COL5A3: variants seen among roughly 807,000 people sequenced by gnomAD.
The protein encoded by COL5A3 is collagen type V alpha 3 chain.
A neutral mutation model predicts 250.0 loss-of-function variants in COL5A3; 172 were observed. That is an observed-to-expected ratio of 0.69 (90% confidence interval 0.61 to 0.78). The LOEUF is 0.78. Among genes scored for constraint, COL5A3 ranks in the 30% least tolerant of loss-of-function variants. The probability of loss-of-function intolerance (pLI) is 0.00; values close to 1 mark genes in which losing one functional copy is unlikely to be tolerated. For missense variants in COL5A3, 2,340 were observed against 2,334.4 expected (o/e 1.00, Z -0.05); for synonymous variants, 937 against 900.4 (o/e 1.04, Z -0.73).
At chr19:9,990,818 C>T (rs1035052122) in intron 24 of COL5A3, among the ~76,000 whole-genome samples, 9 of 152,266 alleles carry the variant, frequency 5.9e-5, no homozygotes, top group Admixed American at 3.9e-4. Context: ...CCATCTCAGC[C>T]TCCCAAAGTG....
chr19:9,969,387 G>A lies in COL5A3; in HGVS notation c.4114C>T (p.Leu1372=), dbSNP rs898700727. Residue 1372 remains leucine (L), a synonymous_variant, in exon 57 of 67, where the codon CTG becomes TTG. Coordinates refer to ENST00000264828, the MANE Select transcript of COL5A3 (RefSeq NM_015719.4). ...GGGCCCATCTGTCCAGGGGCTCCCA[G>A]GAGGCCTGGTTCACCCTGAGAATGG... ...IPGPVGEPGL[L]GAPGQMGPPG... The A allele has an allele frequency of 1.2e-6, 2 of 1,607,758 alleles. No homozygotes were observed. The highest frequency in any genetic ancestry group is 1.7e-5 in the Admixed American group (1 of 58,264).
chr19:9,997,029 G>A, intron 11 of COL5A3: 1 of 523,594 alleles, frequency 1.9e-6, no homozygotes, highest in Non-Finnish European at 3.4e-6. Context: ...GAAATAGAGA[G>A]AGAGGCGAAC....
chr19:10,007,854 C>T (rs987726342), intron 1 of COL5A3, among the ~76,000 whole-genome samples: 8 of 152,224 alleles, frequency 5.3e-5, no homozygotes, highest in South Asian at 4.2e-4. Flanking sequence ...CATCCCTGCC[C>T]GCCCTCTCTC....
At position 10,010,322 on chromosome 19, in the gene COL5A3, G is replaced by A. The variant is rs1477268464; in HGVS notation, c.64C>T (p.Gln22Ter). 2 of 1,466,556 alleles carry A rather than the reference G, an allele frequency of 1.4e-6. No individual in the cohort carries two copies. Among genetic ancestry groups the A allele is most frequent in the Non-Finnish European group, 1.8e-6 (2 of 1,105,546 alleles). The allele number at this position is 1,466,556 out of a possible 1,614,324, so 90.8% of individuals were successfully genotyped here. ...AGLCLLLAAL[Q>*]LLPGTQADPV... ...CCGGCCTGCGTCCCCGGCAGAAGCT[G>A]CAGCGCGGCCAGGAGCAGGCAGAGA... Residue 22 changes from glutamine to a stop codon, truncating the protein, a stop_gained, in exon 1 of 67, where the codon CAG becomes TAG. Transcript: ENST00000264828. LOFTEE classifies it high-confidence loss of function.
At position 9,960,637 on chromosome 19, in the gene COL5A3, C is replaced by CCCCA; in HGVS notation, c.5091+10_5091+13dup. 6 of 1,613,830 alleles carry CCCCA rather than the reference C, an allele frequency of 3.7e-6. No individual in the cohort carries two copies. The highest frequency in any genetic ancestry group is 3.4e-6 in the Non-Finnish European group (4 of 1,179,954). Reference sequence around the variant, plus strand: ...GCCTCCCCTCTCTAGCTGGCCACTGCCCCACCCTCTTACCCGGCAGCCATC... The same window carrying CCCCA: ...GCCTCCCCTCTCTAGCTGGCCACTGCCCCACCCACCCTCTTACCCGGCAGCCATC... On this transcript the variant is annotated intron_variant, in intron 66 of 66. Transcript: ENST00000264828.
intron 4 of COL5A3, 61 bp from the exon 5 acceptor site, chr19:10,004,206 C>T: frequency 2.4e-6 from 3 of 1,251,476 alleles, no homozygotes; most frequent in Non-Finnish European, 3.5e-6. Context: ...CTTACTCTGA[C>T]CCCCTAACCC....
chr19:9,996,580 C>T (rs766788268), intron 12 of COL5A3, 35 bp downstream of exon 12: 6 of 1,613,714 alleles, frequency 3.7e-6, no homozygotes, highest in Middle Eastern at 1.7e-4. Context: ...CAGGACTCCA[C>T]TCCCCAAGGC....
chr19:10,005,809 G>C lies in COL5A3; in HGVS notation c.424C>G (p.Leu142Val). 1.2e-6 allele frequency: 2 copies of C among 1,611,504 alleles called. No individual in the cohort carries two copies. Among genetic ancestry groups the C allele is most frequent in the Non-Finnish European group, 1.7e-6 (2 of 1,178,476 alleles). ...PFRPLPQQVN[L>V]TDGRWHRVAV... ...CCCCATGCTCACCTGCCATCTGTGA[G>C]GTTGACCTGCTGGGGGAGGGGGCGG... is the stretch of plus-strand genomic sequence containing the variant. Residue 142 changes from leucine (L) to valine (V), a missense_variant, in exon 3 of 67, where the codon CTC becomes GTC. Physicochemically the swap from Leu to Val is conservative, Grantham distance 32 (BLOSUM62 1). Transcript: ENST00000264828.
At chr19:9,980,535 C>T in intron 35 of COL5A3, 113 bp downstream of exon 35, 1 of 1,424,624 alleles carries the variant, frequency 7.0e-7, no homozygotes, top group Non-Finnish European at 9.5e-7. Context: ...TTAAGCTGTG[C>T]TCTTACCACT....
intron 31 of COL5A3, among the ~76,000 whole-genome samples, chr19:9,983,598 A>AAGAAAGAG (rs2087048207): frequency 9.5e-5 from 8 of 84,486 alleles, no homozygotes; most frequent in East Asian, 3.7e-4. Context: ...GAAAGAAAGA[A>AAGAAAGAG]AGAGAAAGAG....
intron 64 of COL5A3, among the ~76,000 whole-genome samples, chr19:9,964,350 A>G (rs1456638429): frequency 6.6e-6 from 1 of 152,000 alleles, no homozygotes; most frequent in East Asian, 1.9e-4. Context: ...CTATAATCAC[A>G]ATACCTTGGG....
At chr19:9,994,194 T>C (rs1341205059) in intron 16 of COL5A3, among the ~76,000 whole-genome samples, 1 of 151,932 alleles carries the variant, frequency 6.6e-6, no homozygotes, top group African/African-American at 2.4e-5. Flanking sequence ...ATTTATGTAT[T>C]TTAGAGCTGA....
chr19:9,974,009 GC>G, intron 47 of COL5A3, 37 bp from the exon 48 acceptor site: 1 of 1,526,056 alleles, frequency 6.6e-7, no homozygotes, highest in Non-Finnish European at 8.8e-7. Context: ...GTGACCCCAG[GC>G]CCCTCTCCCC....
At chr19:9,961,034 A>G in intron 65 of COL5A3, 144 bp from the exon 66 acceptor site, 1 of 969,018 alleles carries the variant, frequency 1.0e-6, no homozygotes, top group South Asian at 1.6e-5. Flanking sequence ...AGCCACCTAG[A>G]GATCCCTGGC....
Position 10,003,622 on chromosome 19 carries a change from C to T in COL5A3, c.792G>A (p.Arg264=), listed in dbSNP as rs1168673790. The T allele has an allele frequency of 1.2e-6, 2 of 1,614,024 alleles. No individual in the cohort carries two copies. The highest frequency in any genetic ancestry group is 1.7e-6 in the Non-Finnish European group (2 of 1,180,024). The change falls in exon 6 of 67, where the codon AGG becomes AGA. Residue 264 remains arginine (R), a synonymous_variant. Coordinates refer to ENST00000264828, the MANE Select transcript of COL5A3 (RefSeq NM_015719.4). ...KKGRGRKGKG[R]KKNKEIWTSS... ...AGGTCCAAATTTCCTTGTTCTTTTT[C>T]CTGCCCTTCCCCTTGCGACCTCGCC...
chr19:9,995,547 A>T lies in COL5A3; in HGVS notation c.1587+17T>A. On this transcript the variant is annotated intron_variant, in intron 16 of 66. Transcript: ENST00000264828. ...GGGATGGATAAGGGGTGGTCTGGGG[A>T]CCTAGCTGTCACTCACCATCTTGCC... The T allele has an allele frequency of 6.2e-7, 1 of 1,604,912 alleles. No homozygotes were observed.
intron 27 of COL5A3, 64 bp downstream of exon 27, chr19:9,989,060 A>G: frequency 6.6e-7 from 1 of 1,524,464 alleles, no homozygotes; most frequent in South Asian, 1.1e-5. Flanking sequence ...TTTCTGATGG[A>G]GCTGCATCGC....
In COL5A3 at chr19:9,992,885, A is replaced by G; in HGVS notation, c.1795-5T>C. The G allele has an allele frequency of 6.2e-7, 1 of 1,613,878 alleles. No homozygotes were observed. ...GCCAAGCAGTCCTCGTGGACCCTGC[A>G]AGGGAGCAGGCGAATTATTTCCACA... On this transcript the variant is annotated splice_polypyrimidine_tract_variant and splice_region_variant and intron_variant, in intron 20 of 66. Coordinates refer to ENST00000264828, the MANE Select transcript of COL5A3 (RefSeq NM_015719.4).
rs373142276 is a variant in COL5A3, at chr19:9,969,820, G to A, written c.3990+49C>T. ...TCCACCCTCTCCTGATGGCCCCACTGTTGGCCTAGAGTAGTGCAGGGACCC... is the reference window on the plus strand; with the variant it reads ...TCCACCCTCTCCTGATGGCCCCACTATTGGCCTAGAGTAGTGCAGGGACCC... On this transcript the variant is annotated intron_variant, in intron 55 of 66. Coordinates refer to ENST00000264828, the MANE Select transcript of COL5A3 (RefSeq NM_015719.4). The A allele has an allele frequency of 2.0e-4, 326 of 1,605,356 alleles. 2 individuals are homozygous for A. Among genetic ancestry groups the A allele is most frequent in the Non-Finnish European group, 2.6e-4 (310 of 1,172,498 alleles).
Sources: allele counts gnomAD v4.1 joint callset (sites outside exome capture counted in the v4.1 genomes callset), GRCh38; gene constraint gnomAD v4.1.1; transcripts MANE v1.5; gene names NCBI Gene and HGNC (gene_info 2026-07-23, HGNC 2026-07-21).